NAALADL2: variants seen among roughly 807,000 people sequenced by gnomAD.
NAALADL2 encodes N-acetylated alpha-linked acidic dipeptidase like 2.
NAALADL2 carries 76 observed loss-of-function variants against 87.2 expected under a neutral mutation model. The ratio of observed to expected loss-of-function variants is 0.87; its 90% CI spans 0.72 to 1.05. The LOEUF (loss-of-function observed/expected upper bound fraction) is 1.05, where lower values mean the gene tolerates loss of function less well. Ranked by LOEUF, NAALADL2 falls within the 50% of genes least tolerant of loss-of-function variation. The probability of loss-of-function intolerance (pLI) is 0.00; values close to 1 mark genes in which losing one functional copy is unlikely to be tolerated. For synonymous variants in NAALADL2, 354 were observed against 331.0 expected, an observed-to-expected ratio of 1.07 and a Z score of -0.75; for missense variants, 1,089 against 945.8, an observed-to-expected ratio of 1.15 and a Z score of -1.99.
intron 1 of NAALADL2, among the ~76,000 whole-genome samples, chr3:175,020,550 A>G (rs1191163652): frequency 6.6e-6 from 1 of 152,056 alleles, no homozygotes; most frequent in Non-Finnish European, 1.5e-5. Flanking sequence ...AGCCTCAGTT[A>G]TATTTCTGGT....
intron 1 of NAALADL2, among the ~76,000 whole-genome samples, chr3:174,977,916 A>G (rs532875571): frequency 2.0e-4 from 30 of 152,356 alleles, no homozygotes; most frequent in Admixed American, 4.6e-4. Flanking sequence ...CTTTTGGAAT[A>G]TTATAATCTT....
intron 3 of NAALADL2, among the ~76,000 whole-genome samples, chr3:174,773,600 T>A (rs1714844657): frequency 2.0e-5 from 3 of 152,178 alleles, no homozygotes; most frequent in African/African-American, 7.2e-5. Context: ...TAAATTTTTA[T>A]GTTTAGGGTT....
intron 2 of NAALADL2, among the ~76,000 whole-genome samples, chr3:174,721,214 A>G (rs192485357): frequency 6.6e-6 from 1 of 152,354 alleles, no homozygotes; most frequent in East Asian, 1.9e-4. Flanking sequence ...AGTGTATTTA[A>G]TATTAAGAGC....
intron 11 of NAALADL2, among the ~76,000 whole-genome samples, chr3:175,709,349 T>C (rs1186956693): frequency 1.3e-5 from 2 of 152,228 alleles, no homozygotes; most frequent in Non-Finnish European, 2.9e-5. Context: ...GCAAAACATA[T>C]TTATAAATGA....
intron 2 of NAALADL2, among the ~76,000 whole-genome samples, chr3:174,604,808 G>A (rs929834786): frequency 6.9e-6 from 1 of 145,238 alleles, no homozygotes; most frequent in African/African-American, 2.6e-5. Context: ...TCACTCTGTT[G>A]CCCAGGCTGG....
intron 3 of NAALADL2, among the ~76,000 whole-genome samples, chr3:175,244,804 A>G (rs918294639): frequency 1.3e-4 from 20 of 152,090 alleles, no homozygotes; most frequent in Non-Finnish European, 4.4e-5. Context: ...CCCCTATTAA[A>G]GTAATTTCTC....
chr3:174,736,229 C>T (rs2108996638), intron 2 of NAALADL2, among the ~76,000 whole-genome samples: 1 of 152,216 alleles, frequency 6.6e-6, no homozygotes, highest in East Asian at 1.9e-4. Flanking sequence ...TTCTTGTTGC[C>T]TGCAATGTGG....
chr3:174,657,217 G>C (rs538620602), intron 2 of NAALADL2, among the ~76,000 whole-genome samples: 1 of 151,698 alleles, frequency 6.6e-6, no homozygotes, highest in African/African-American at 2.4e-5. Context: ...TAGAGAGGAG[G>C]GTTTTGCCAT....
chr3:175,764,953 T>G (rs940689908), intron 13 of NAALADL2, among the ~76,000 whole-genome samples: 48 of 152,150 alleles, frequency 3.2e-4, no homozygotes, highest in Non-Finnish European at 2.8e-4. Flanking sequence ...GACTACTTTG[T>G]TCAGGTTGTA....
chr3:175,170,553 A>C (rs1734661410), intron 2 of NAALADL2, among the ~76,000 whole-genome samples: 1 of 149,398 alleles, frequency 6.7e-6, no homozygotes. Context: ...AGATGTGTTT[A>C]ATATCTGTTT....
intron 1 of NAALADL2, among the ~76,000 whole-genome samples, chr3:174,518,570 C>T (rs935132200): frequency 2.6e-5 from 4 of 152,098 alleles, no homozygotes; most frequent in African/African-American, 4.8e-5. Flanking sequence ...AAAGATTCTT[C>T]ATTAACCTCA....
At chr3:175,199,843 TATATATA>T (rs1739625979) in intron 2 of NAALADL2, among the ~76,000 whole-genome samples, 1 of 15,160 alleles carries the variant, frequency 6.6e-5, no homozygotes, top group Non-Finnish European at 1.2e-4. Flanking sequence ...TATATATATA[TATATATA>T]TATATATATA....
At chr3:175,038,222 T>G (rs1753650362) in intron 1 of NAALADL2, among the ~76,000 whole-genome samples, 1 of 152,172 alleles carries the variant, frequency 6.6e-6, no homozygotes, top group Non-Finnish European at 1.5e-5. Context: ...ACATATTTAT[T>G]TGCTAACAAA....
chr3:175,307,192 T>C (rs961235301), intron 4 of NAALADL2, among the ~76,000 whole-genome samples: 7 of 151,944 alleles, frequency 4.6e-5, no homozygotes, highest in Admixed American at 3.3e-4. Context: ...TAAAAAAATA[T>C]ACAAATAAGA....
chr3:174,867,951 T>G (rs1015020650), intron 1 of NAALADL2, among the ~76,000 whole-genome samples: 2 of 152,026 alleles, frequency 1.3e-5, no homozygotes, highest in Non-Finnish European at 2.9e-5. Context: ...TCAGAAAGTC[T>G]AAGAATGAAA....
intron 2 of NAALADL2, among the ~76,000 whole-genome samples, chr3:174,592,681 C>G (rs574071873): frequency 6.6e-6 from 1 of 152,200 alleles, no homozygotes; most frequent in East Asian, 1.9e-4. Flanking sequence ...TAATTTGGCT[C>G]CTCACTAGCA....
At chr3:175,510,996 G>C (rs967268761) in intron 9 of NAALADL2, among the ~76,000 whole-genome samples, 14 of 152,146 alleles carry the variant, frequency 9.2e-5, no homozygotes, top group African/African-American at 3.4e-4. Context: ...TATAAAAGAG[G>C]TACTGGACTG....
chr3:174,450,579 G>A (rs775334441), intron 1 of NAALADL2, among the ~76,000 whole-genome samples: 51 of 152,092 alleles, frequency 3.4e-4, no homozygotes, highest in Non-Finnish European at 6.0e-4. Context: ...TTTCAAGACT[G>A]AGAGAGTCCA....
intron 5 of NAALADL2, among the ~76,000 whole-genome samples, chr3:175,403,851 G>T (rs1411088977): frequency 6.6e-6 from 1 of 152,062 alleles, no homozygotes; most frequent in Non-Finnish European, 1.5e-5. Flanking sequence ...AGCATTAGAT[G>T]CCACATCCTA....
Sources: gnomAD v4.1 joint callset for allele counts (sites outside exome capture counted in the v4.1 genomes callset) on GRCh38, gnomAD v4.1.1 for gene constraint, MANE v1.5 for transcripts, NCBI Gene and HGNC (gene_info 2026-07-23, HGNC 2026-07-21) for gene names.